The following SFXN1 variants were observed in gnomAD, a reference collection of about 807,000 sequenced individuals.
SFXN1 encodes the protein sideroflexin 1.
Under a neutral mutation model 39.5 loss-of-function variants are expected in SFXN1, and 32 were observed. The ratio of observed to expected loss-of-function variants is 0.81; its 90% CI spans 0.61 to 1.09. The LOEUF (loss-of-function observed/expected upper bound fraction) is 1.09. SFXN1 is among the 50% of genes least tolerant of loss of function. SFXN1 has a pLI of 0.00. For synonymous variants in SFXN1, 136 were observed against 146.5 expected (o/e 0.93, Z 0.52); for missense variants, 402 against 407.1 (o/e 0.99, Z 0.11).
At chr5:175,519,520 T>C (rs1216285340) in intron 8 of SFXN1, among the ~76,000 whole-genome samples, 3 of 152,184 alleles carry the variant, frequency 2.0e-5, no homozygotes, top group Non-Finnish European at 4.4e-5. Flanking sequence ...AAACTAGTGC[T>C]ACACACAACA....
At chr5:175,514,601 T>C (rs1760652646) in intron 7 of SFXN1, among the ~76,000 whole-genome samples, 1 of 152,242 alleles carries the variant, frequency 6.6e-6, no homozygotes, top group African/African-American at 2.4e-5. Flanking sequence ...CTTCATCAGC[T>C]GCTGTCAAGT....
intron 8 of SFXN1, among the ~76,000 whole-genome samples, chr5:175,517,339 TG>T (rs1206172297): frequency 6.6e-6 from 1 of 152,110 alleles, no homozygotes; most frequent in Non-Finnish European, 1.5e-5. Context: ...GATCATCATT[TG>T]GAAGTGTGCT....
At position 175,526,654 on chromosome 5, in the gene SFXN1, A is replaced by G; in HGVS notation, c.889A>G (p.Ser297Gly). 1 of 1,614,214 alleles carries G rather than the reference A, an allele frequency of 6.2e-7. No homozygotes were observed. Among genetic ancestry groups the G allele is most frequent in the Non-Finnish European group, 8.5e-7 (1 of 1,180,028 alleles). The change falls in exon 11 of 11, where the codon AGC (serine) becomes GGC (glycine). Residue 297 changes from serine (S) to glycine (G), a missense_variant. By Grantham distance (56) the Ser-to-Gly change is moderately conservative. Transcript: ENST00000321442. ...FPQKSSMSVT[S>G]LEAELQAKIQ... Reference sequence around the variant, plus strand: ...TTATCCCAGTTCCATGTCTGTGACAAGCTTGGAGGCCGAGTTGCAAGCTAA... The same window carrying G: ...TTATCCCAGTTCCATGTCTGTGACAGGCTTGGAGGCCGAGTTGCAAGCTAA...
rs780273305 is a variant in SFXN1, at chr5:175,521,878, C to G, written c.775-41C>G. ...ATCAGAAGATATTGCCTCTAAGACC[C>G]TGTATAAAAAGTATTCAAAGCCATT... On this transcript the variant is annotated intron_variant, in intron 8 of 10. Transcript: ENST00000321442. 5 of 1,519,822 alleles carry G rather than the reference C, an allele frequency of 3.3e-6. No individual in the cohort carries two copies. The East Asian group carries it at 9.1e-5, about 28-fold the overall frequency. 94.1% of individuals were successfully genotyped at this position (1,519,822 alleles called of 1,614,324 possible).
chr5:175,494,347 G>A (rs1400822164), intron 2 of SFXN1, among the ~76,000 whole-genome samples: 2 of 152,172 alleles, frequency 1.3e-5, no homozygotes, highest in Admixed American at 6.5e-5. Context: ...TCATCTCTAC[G>A]CTGAATGCCT....
In SFXN1 at chr5:175,488,789, G is replaced by C. The variant is rs1265832142; in HGVS notation, c.-9-3306G>C. 3.3e-5 allele frequency among the ~76,000 whole-genome samples: 5 copies of C among 152,282 alleles called. 1 individual carries two copies. The highest frequency in any genetic ancestry group is 2.6e-4 in the Admixed American group (4 of 15,288). On this transcript the variant is annotated intron_variant, in intron 1 of 10. Coordinates refer to ENST00000321442, the MANE Select transcript of SFXN1 (RefSeq NM_022754.7). ...CAGATGCCTGTAGTCCTAGCTAATC[G>C]GGAGGCTGAGGTGGGAGGATCAGCT... is the stretch of plus-strand genomic sequence containing the variant.
intron 1 of SFXN1, 52 bp from the exon 2 acceptor site, chr5:175,492,038 TAAATA>T: frequency 7.4e-7 from 1 of 1,359,034 alleles, no homozygotes; most frequent in Non-Finnish European, 1.0e-6. Context: ...GTAAAGTTTC[TAAATA>T]CGTAGTGACA....
chr5:175,493,217 G>A (rs929655019), intron 2 of SFXN1, among the ~76,000 whole-genome samples: 1 of 151,698 alleles, frequency 6.6e-6, no homozygotes, highest in African/African-American at 2.4e-5. Flanking sequence ...CGTGCCACTC[G>A]CCACTGCACT....
intron 2 of SFXN1, among the ~76,000 whole-genome samples, chr5:175,508,224 T>A (rs970131054): frequency 2.0e-4 from 2 of 10,012 alleles, no homozygotes; most frequent in Non-Finnish European, 3.4e-4. Flanking sequence ...TAGATTTGAT[T>A]TTTTTTTTTT....
intron 2 of SFXN1, among the ~76,000 whole-genome samples, chr5:175,501,057 G>A (rs943691426): frequency 6.8e-6 from 1 of 147,576 alleles, no homozygotes; most frequent in East Asian, 2.0e-4. Flanking sequence ...TTTGATATGG[G>A]CAAAGATTTT....
chr5:175,496,907 T>C (rs1759878866), intron 2 of SFXN1, among the ~76,000 whole-genome samples: 1 of 151,984 alleles, frequency 6.6e-6, no homozygotes, highest in Non-Finnish European at 1.5e-5. Flanking sequence ...TCTTTTTTTT[T>C]TTGAGATGGA....
chr5:175,494,918 C>A (rs983776861), intron 2 of SFXN1, among the ~76,000 whole-genome samples: 21 of 151,962 alleles, frequency 1.4e-4, no homozygotes, highest in Non-Finnish European at 2.1e-4. Context: ...ACCGTGTGAC[C>A]CAGCAGTTCC....
intron 7 of SFXN1, chr5:175,513,792 T>C: frequency 2.0e-6 from 1 of 492,538 alleles, no homozygotes; most frequent in South Asian, 2.3e-5. Flanking sequence ...CTAGGGCGTG[T>C]GGGTAGGGCA....
chr5:175,482,931 T>C (rs1759310286), intron 1 of SFXN1, among the ~76,000 whole-genome samples: 1 of 152,152 alleles, frequency 6.6e-6, no homozygotes, highest in East Asian at 1.9e-4. Context: ...AAAAAACAGC[T>C]GTGTGTTCGG....
chr5:175,516,622 C>T lies in SFXN1; in HGVS notation c.733C>T (p.Pro245Ser), dbSNP rs946480266. ...LMAAPGMAIP[P>S]FIMNTLEKKA... ...TCTATCTTTATTTCCAGCCATCCCT[C>T]CATTCATTATGAACACTTTGGAAAA... Residue 245 changes from proline (P) to serine (S), a missense_variant, in exon 8 of 11, where the codon CCA (proline) becomes TCA (serine). Physicochemically the swap from Pro to Ser is moderately conservative, Grantham distance 74 (BLOSUM62 -1). Coordinates refer to ENST00000321442, the MANE Select transcript of SFXN1 (RefSeq NM_022754.7). The T allele has an allele frequency of 6.2e-7, 1 of 1,612,332 alleles. No homozygotes were observed. The highest frequency in any genetic ancestry group is 1.1e-5 in the South Asian group (1 of 90,460).
At chr5:175,480,745 ACC>A (rs142950917) in intron 1 of SFXN1, among the ~76,000 whole-genome samples, 2,237 of 152,314 alleles carry the variant, frequency 0.015, 54 homozygotes, top group African/African-American at 0.051. Context: ...GTAAGAGCAG[ACC>A]CGTCATCAAA....
intron 1 of SFXN1, chr5:175,491,536 A>G (rs1294040756): frequency 1.3e-5 from 2 of 151,426 alleles, no homozygotes; most frequent in African/African-American, 4.9e-5. Flanking sequence ...GTGCAGCGGC[A>G]TGATGATAGC....
At chr5:175,488,338 T>C (rs1206746528) in intron 1 of SFXN1, among the ~76,000 whole-genome samples, 1 of 151,772 alleles carries the variant, frequency 6.6e-6, no homozygotes, top group African/African-American at 2.4e-5. Flanking sequence ...GTTTCGCTCT[T>C]GTTGCCCAGG....
At chr5:175,524,124 AAATATATATATAT>A (rs1378904378) in intron 10 of SFXN1, 1 of 25,012 alleles carries the variant, frequency 4.0e-5, no homozygotes, top group Non-Finnish European at 5.8e-5. Flanking sequence ...AAAAAAAAAA[AAATATATATATAT>A]ATATATATAT....
Sources: allele counts gnomAD v4.1 joint callset (sites outside exome capture counted in the v4.1 genomes callset), GRCh38; gene constraint gnomAD v4.1.1; transcripts MANE v1.5; gene names NCBI Gene and HGNC (gene_info 2026-07-23, HGNC 2026-07-21).